Variants in GRIK2 observed in about 807,000 individuals in gnomAD.
GRIK2 encodes the protein glutamate receptor ionotropic, kainate 2.
In GRIK2, 32 loss-of-function variants were observed where a neutral mutation model predicts 100.3. That is an observed-to-expected ratio of 0.32 (90% CI 0.24 to 0.43). The LOEUF (loss-of-function observed/expected upper bound fraction) is 0.43, where lower values mean the gene tolerates loss of function less well. GRIK2 is among the 20% of genes least tolerant of loss of function. GRIK2 has a pLI of 1.00. For missense variants in GRIK2, 843 were observed against 1,114.9 expected (o/e 0.76, Z 3.47); for synonymous variants, 417 against 389.4 (o/e 1.07, Z -0.83).
chr6:101,758,078 C>T (rs1177749222), intron 7 of GRIK2, among the ~76,000 whole-genome samples: 2 of 151,992 alleles, frequency 1.3e-5, no homozygotes, highest in Non-Finnish European at 2.9e-5. Context: ...AAAATACTAG[C>T]CTGGTGTGAT....
At chr6:101,416,344 G>T (rs1776140039) in intron 2 of GRIK2, among the ~76,000 whole-genome samples, 1 of 152,206 alleles carries the variant, frequency 6.6e-6, no homozygotes, top group Admixed American at 6.5e-5. Context: ...GCTGGTCTGA[G>T]GCTGAGGAGT....
chr6:101,422,873 T>C (rs562031882), intron 2 of GRIK2, among the ~76,000 whole-genome samples: 25 of 152,298 alleles, frequency 1.6e-4, no homozygotes, highest in Admixed American at 3.9e-4. Flanking sequence ...CTTAGAACTC[T>C]GTGTGGAGTT....
intron 14 of GRIK2, among the ~76,000 whole-genome samples, chr6:101,982,644 C>T (rs1434421935): frequency 6.8e-6 from 1 of 147,754 alleles, no homozygotes; most frequent in Non-Finnish European, 1.5e-5. Flanking sequence ...GCTGCTACTA[C>T]CCCCTTCTTC....
chr6:101,769,925 G>A (rs750124739), intron 7 of GRIK2, among the ~76,000 whole-genome samples: 2 of 152,144 alleles, frequency 1.3e-5, no homozygotes, highest in African/African-American at 2.4e-5. Flanking sequence ...CAAGGTTATC[G>A]CCAGTCCGAG....
intron 10 of GRIK2, among the ~76,000 whole-genome samples, chr6:101,856,029 T>C (rs188363226): frequency 2.0e-5 from 3 of 152,270 alleles, no homozygotes; most frequent in South Asian, 2.1e-4. Flanking sequence ...TTAATCAGTT[T>C]TGTGAGTTGT....
chr6:101,880,306 T>G lies in GRIK2; in HGVS notation c.1525-9334T>G, dbSNP rs755484552. 5.9e-5 allele frequency among the ~76,000 whole-genome samples: 9 copies of G among 152,080 alleles called. No individual in the cohort carries two copies. The East Asian group carries it at 1.5e-3, about 26-fold the overall frequency. On this transcript the variant is annotated intron_variant, in intron 11 of 16. Transcript: ENST00000369134. ...TCACTAATGAGTTCAGAATCTGTGT[T>G]TATTTACTGCTATATTGCTCTTTCT...
At chr6:102,063,580 T>A (rs1771860680) in intron 16 of GRIK2, among the ~76,000 whole-genome samples, 1 of 150,824 alleles carries the variant, frequency 6.6e-6, no homozygotes. Context: ...TAAAAAGAAA[T>A]CTGTGCTTCT....
chr6:101,786,812 A>G (rs1779453533), intron 7 of GRIK2, among the ~76,000 whole-genome samples: 1 of 152,108 alleles, frequency 6.6e-6, no homozygotes, highest in East Asian at 1.9e-4. Context: ...TGCTTTTGGT[A>G]TCATAATACT....
chr6:101,406,046 C>T (rs899091015), intron 2 of GRIK2, among the ~76,000 whole-genome samples: 35 of 152,198 alleles, frequency 2.3e-4, no homozygotes, highest in African/African-American at 8.2e-4. Context: ...GCTTCCCTCA[C>T]ATCTCTTTGA....
At chr6:101,579,467 C>T (rs1233318486) in intron 2 of GRIK2, among the ~76,000 whole-genome samples, 1 of 150,542 alleles carries the variant, frequency 6.6e-6, no homozygotes, top group Non-Finnish European at 1.5e-5. Context: ...CTTTCGCTTT[C>T]TCTCTTTTTT....
At chr6:101,945,234 A>G (rs774440465) in intron 14 of GRIK2, among the ~76,000 whole-genome samples, 12 of 152,148 alleles carry the variant, frequency 7.9e-5, no homozygotes, top group Non-Finnish European at 1.6e-4. Context: ...ATGAAAATTT[A>G]GTGTCTGAAT....
chr6:101,802,294 T>G (rs1012073436), intron 8 of GRIK2, 37 bp from the exon 9 acceptor site: 8 of 817,592 alleles, frequency 9.8e-6, no homozygotes, highest in Non-Finnish European at 1.4e-5. Flanking sequence ...CCATCTTTCT[T>G]CACTTATTTA....
At chr6:101,522,785 C>T (rs905172399) in intron 2 of GRIK2, among the ~76,000 whole-genome samples, 1 of 151,958 alleles carries the variant, frequency 6.6e-6, no homozygotes, top group Non-Finnish European at 1.5e-5. Flanking sequence ...GTTTGTCTAA[C>T]TTTTCCCCTT....
intron 7 of GRIK2, among the ~76,000 whole-genome samples, chr6:101,735,618 A>G (rs150992595): frequency 1.3e-5 from 2 of 152,292 alleles, no homozygotes; most frequent in Non-Finnish European, 2.9e-5. Flanking sequence ...ATTCACTATC[A>G]TGAAAACAAT....
At chr6:101,445,220 T>G (rs1206445682) in intron 2 of GRIK2, among the ~76,000 whole-genome samples, 1 of 152,120 alleles carries the variant, frequency 6.6e-6, no homozygotes, top group Non-Finnish European at 1.5e-5. Flanking sequence ...TTAGTACTCA[T>G]ATTGATGACC....
rs117242775 is a variant in GRIK2 at position 101,756,030 on chromosome 6, G to T, written c.952-43618G>T. ...TTCATTAGAAAGGTTTTATACTAGA[G>T]GACTTTTATAGGTGGTATAAAACTC... On this transcript the variant is annotated intron_variant, in intron 7 of 16. Transcript: ENST00000369134. Among the ~76,000 whole-genome samples the T allele has an allele frequency of 2.8e-4, 43 of 152,106 alleles. 1 individual carries two copies. In the East Asian group the frequency reaches 7.9e-3, roughly 28 times the overall value.
At chr6:101,486,294 C>G (rs1326937875) in intron 2 of GRIK2, among the ~76,000 whole-genome samples, 1 of 140,342 alleles carries the variant, frequency 7.1e-6, no homozygotes, top group Non-Finnish European at 1.5e-5. Context: ...AGTAACCGAG[C>G]ATTTGTGAGG....
At chr6:101,519,980 A>G (rs1379592025) in intron 2 of GRIK2, among the ~76,000 whole-genome samples, 1 of 152,086 alleles carries the variant, frequency 6.6e-6, no homozygotes, top group Non-Finnish European at 1.5e-5. Flanking sequence ...TAATCTATCC[A>G]CTCTCCACAG....
chr6:101,555,787 T>A (rs531142513), intron 2 of GRIK2, among the ~76,000 whole-genome samples: 1 of 152,328 alleles, frequency 6.6e-6, no homozygotes, highest in African/African-American at 2.4e-5. Context: ...TCAATTTTTT[T>A]ATCTGTTTCT....
Sources: allele counts gnomAD v4.1 joint callset (sites outside exome capture counted in the v4.1 genomes callset), GRCh38; gene constraint gnomAD v4.1.1; transcripts MANE v1.5; gene names NCBI Gene and HGNC (gene_info 2026-07-23, HGNC 2026-07-21).